TRAPPC9: variants seen among roughly 807,000 people sequenced by gnomAD.
TRAPPC9 encodes trafficking protein particle complex subunit 9.
TRAPPC9 carries 83 observed loss-of-function variants against 124.0 expected under a neutral mutation model. The ratio of observed to expected loss-of-function variants is 0.67; its 90% confidence interval spans 0.56 to 0.80. The LOEUF is 0.80. Ranked by LOEUF, TRAPPC9 falls within the 30% of genes least tolerant of loss-of-function variation. The probability of loss-of-function intolerance (pLI) is 0.00; values close to 1 mark genes in which losing one functional copy is unlikely to be tolerated. For synonymous variants in TRAPPC9, 638 were observed against 617.5 expected, an observed-to-expected ratio of 1.03 and a Z score of -0.49; for missense variants, 1,302 against 1,508.3, an observed-to-expected ratio of 0.86 and a Z score of 2.27.
intron 17 of TRAPPC9, among the ~76,000 whole-genome samples, chr8:140,090,070 C>A (rs1028908692): frequency 6.6e-6 from 1 of 151,942 alleles, no homozygotes; most frequent in African/African-American, 2.4e-5. Flanking sequence ...CAGAGCGAGA[C>A]TCTGTCTCAA....
At chr8:139,735,721 A>G (rs1011462215) in intron 21 of TRAPPC9, among the ~76,000 whole-genome samples, 1 of 151,494 alleles carries the variant, frequency 6.6e-6, no homozygotes, top group Admixed American at 6.6e-5. Context: ...GGGGCAGCAG[A>G]GGACTGGTCT....
chr8:140,324,371 C>G (rs1317927436), intron 9 of TRAPPC9, among the ~76,000 whole-genome samples: 1 of 152,108 alleles, frequency 6.6e-6, no homozygotes, highest in Non-Finnish European at 1.5e-5. Context: ...TTTGTATGTA[C>G]TTAATAACAG....
At chr8:140,120,447 T>C (rs1202932556) in intron 17 of TRAPPC9, among the ~76,000 whole-genome samples, 6 of 152,240 alleles carry the variant, frequency 3.9e-5, no homozygotes, top group African/African-American at 4.8e-5. Context: ...GAATTTTAAA[T>C]AGATTTTGTT....
rs140325474 is a variant in TRAPPC9, at chr8:140,058,415, ACT to A, written c.2557-34338_2557-34337del. On this transcript the variant is annotated intron_variant, in intron 17 of 22. Coordinates refer to ENST00000438773, the MANE Select transcript of TRAPPC9 (RefSeq NM_001160372.4). ...AGCCCTCACCTCTTCCAGCCCCATGACTCTATGAACTGTCCTCAACTATTCAT... is the reference window on the plus strand; with the variant it reads ...AGCCCTCACCTCTTCCAGCCCCATGACTATGAACTGTCCTCAACTATTCAT... Among the ~76,000 whole-genome samples, 748 of 152,026 alleles carry A rather than the reference ACT, an allele frequency of 4.9e-3. 6 individuals are homozygous for A. The highest frequency in any genetic ancestry group is 0.017 in the African/African-American group (704 of 41,456).
chr8:140,031,207 A>T (rs896345991), intron 17 of TRAPPC9, among the ~76,000 whole-genome samples: 2 of 152,234 alleles, frequency 1.3e-5, no homozygotes, highest in Admixed American at 1.3e-4. Context: ...CAGAAGAAAC[A>T]GCAGTGAGGT....
rs141268483 is a variant in TRAPPC9 at position 139,896,122 on chromosome 8, C to T, written c.2965-10153G>A. On this transcript the variant is annotated intron_variant, in intron 20 of 22. Coordinates refer to ENST00000438773, the MANE Select transcript of TRAPPC9 (RefSeq NM_001160372.4). ...AAAGCTAATTACCTGCATGCATATC[C>T]GACTTCCTTTCAGCCCTGTAAGCCA... Among the ~76,000 whole-genome samples the T allele has an allele frequency of 6.6e-5, 10 of 152,324 alleles. No individual in the cohort carries two copies. In the East Asian group the frequency reaches 7.7e-4, roughly 12 times the overall value.
chr8:140,064,369 C>T (rs928527758), intron 17 of TRAPPC9, among the ~76,000 whole-genome samples: 6 of 151,984 alleles, frequency 3.9e-5, no homozygotes, highest in Admixed American at 1.3e-4. Context: ...AAAAAGGAAG[C>T]GGAAACAGAA....
At chr8:140,138,128 C>T (rs187719748) in intron 17 of TRAPPC9, among the ~76,000 whole-genome samples, 40 of 152,198 alleles carry the variant, frequency 2.6e-4, no homozygotes, top group African/African-American at 9.4e-4. Flanking sequence ...TGGTGAAACC[C>T]CATCTCTGCT....
intron 14 of TRAPPC9, among the ~76,000 whole-genome samples, chr8:140,280,415 T>C (rs975324716): frequency 6.6e-6 from 1 of 151,780 alleles, no homozygotes; most frequent in Non-Finnish European, 1.5e-5. Flanking sequence ...CCTATTGTTT[T>C]TTTGTTTTGT....
chr8:140,035,079 G>C (rs527829664), intron 17 of TRAPPC9, among the ~76,000 whole-genome samples: 1 of 152,332 alleles, frequency 6.6e-6, no homozygotes, highest in African/African-American at 2.4e-5. Flanking sequence ...CTGTGGAAGG[G>C]ATGATTTTAA....
At chr8:140,047,262 G>A (rs1423243184) in intron 17 of TRAPPC9, among the ~76,000 whole-genome samples, 3 of 152,370 alleles carry the variant, frequency 2.0e-5, no homozygotes, top group East Asian at 3.9e-4. Flanking sequence ...GCTCCTCGGC[G>A]GAGGCCCCTT....
Position 139,789,472 on chromosome 8 carries a change from C to T in TRAPPC9, c.3056-57270G>A, listed in dbSNP as rs545220998. Among the ~76,000 whole-genome samples the T allele has an allele frequency of 4.6e-5, 7 of 151,584 alleles. No homozygotes were observed. The East Asian group carries it at 1.2e-3, about 25-fold the overall frequency. On this transcript the variant is annotated intron_variant, in intron 21 of 22. Coordinates refer to ENST00000438773, the MANE Select transcript of TRAPPC9 (RefSeq NM_001160372.4). Reference sequence around the variant, plus strand: ...ATGCCTGTTTAGATGTGGCCTCATCCCCCCCCAGGATATCTACATCTCAGA... The same window carrying T: ...ATGCCTGTTTAGATGTGGCCTCATCTCCCCCCAGGATATCTACATCTCAGA...
intron 21 of TRAPPC9, among the ~76,000 whole-genome samples, chr8:139,856,532 C>T (rs935663555): frequency 6.6e-6 from 1 of 152,168 alleles, no homozygotes; most frequent in African/African-American, 2.4e-5. Context: ...GGACAATGTC[C>T]TCTCAGCTTC....
At chr8:140,156,639 G>C (rs1414963427) in intron 17 of TRAPPC9, among the ~76,000 whole-genome samples, 1 of 152,192 alleles carries the variant, frequency 6.6e-6, no homozygotes, top group African/African-American at 2.4e-5. Context: ...CTCCAGCCCT[G>C]CTTCCTCCAT....
chr8:140,354,139 T>C (rs114942250), intron 9 of TRAPPC9, among the ~76,000 whole-genome samples: 9 of 152,128 alleles, frequency 5.9e-5, no homozygotes, highest in African/African-American at 2.2e-4. Context: ...AAAAGATGAG[T>C]CTGGAAATTA....
intron 21 of TRAPPC9, among the ~76,000 whole-genome samples, chr8:139,801,245 C>G (rs1463076702): frequency 6.6e-6 from 1 of 152,232 alleles, no homozygotes; most frequent in Non-Finnish European, 1.5e-5. Flanking sequence ...CCTGGGGAGA[C>G]TTGGCTGGTG....
chr8:140,175,075 A>G (rs2062035852), intron 17 of TRAPPC9, among the ~76,000 whole-genome samples: 1 of 152,002 alleles, frequency 6.6e-6, no homozygotes, highest in Non-Finnish European at 1.5e-5. Context: ...ACAGACAACA[A>G]AAATGGGGAG....
chr8:139,929,673 C>A (rs1331743355), intron 19 of TRAPPC9, among the ~76,000 whole-genome samples: 1 of 152,260 alleles, frequency 6.6e-6, no homozygotes, highest in Non-Finnish European at 1.5e-5. Flanking sequence ...TCTTCTGAAA[C>A]CATGTTTCTG....
intron 17 of TRAPPC9, among the ~76,000 whole-genome samples, chr8:140,142,392 G>A (rs1187433899): frequency 6.6e-6 from 1 of 152,254 alleles, no homozygotes; most frequent in African/African-American, 2.4e-5. Flanking sequence ...GCCATGTGCT[G>A]GTCCAGATGC....
Sources: gnomAD v4.1 joint callset for allele counts (sites outside exome capture counted in the v4.1 genomes callset) on GRCh38, gnomAD v4.1.1 for gene constraint, MANE v1.5 for transcripts, NCBI Gene and HGNC (gene_info 2026-07-23, HGNC 2026-07-21) for gene names.